The following SNAP91 variants were observed in gnomAD, a reference collection of about 807,000 sequenced individuals.
The protein encoded by SNAP91 is clathrin coat assembly protein AP180.
Under a neutral mutation model 100.3 loss-of-function variants are expected in SNAP91, and 27 were observed. The ratio of observed to expected loss-of-function variants is 0.27; its 90% confidence interval spans 0.20 to 0.37. The LOEUF is 0.37. Ranked by LOEUF, SNAP91 falls within the 10% of genes least tolerant of loss-of-function variation. The probability of loss-of-function intolerance (pLI) is 1.00; values close to 1 mark genes in which losing one functional copy is unlikely to be tolerated. For missense variants in SNAP91, 986 were observed against 1,123.7 expected (o/e 0.88, Z 1.75); for synonymous variants, 404 against 398.6 (o/e 1.01, Z -0.16).
intron 7 of SNAP91, among the ~76,000 whole-genome samples, chr6:83,641,917 T>G (rs1027629381): frequency 5.3e-5 from 8 of 152,164 alleles, no homozygotes; most frequent in Non-Finnish European, 1.0e-4. Context: ...GAACTACAGC[T>G]CCATTACCCT....
intron 24 of SNAP91, among the ~76,000 whole-genome samples, chr6:83,578,782 G>A (rs1823674603): frequency 6.6e-6 from 1 of 151,998 alleles, no homozygotes; most frequent in African/African-American, 2.4e-5. Flanking sequence ...TACTTCTGGT[G>A]TCATATCTAA....
chr6:83,623,177 C>A, intron 9 of SNAP91, 124 bp downstream of exon 9: 2 of 653,574 alleles, frequency 3.1e-6, no homozygotes, highest in East Asian at 2.8e-5. Context: ...AGAATAATTT[C>A]CAAGAAAGTT....
chr6:83,633,024 G>C (rs1021164576), intron 8 of SNAP91, among the ~76,000 whole-genome samples: 2 of 152,212 alleles, frequency 1.3e-5, no homozygotes, highest in African/African-American at 4.8e-5. Flanking sequence ...CTGTCAGACA[G>C]AAAGTCTAGG....
chr6:83,693,133 G>T (rs2099152733), intron 2 of SNAP91, among the ~76,000 whole-genome samples: 1 of 152,158 alleles, frequency 6.6e-6, no homozygotes, highest in Non-Finnish European at 1.5e-5. Context: ...AAATCACTAT[G>T]TAAAAGAAAA....
intron 11 of SNAP91, among the ~76,000 whole-genome samples, chr6:83,612,522 TCAAG>T (rs2096201909): frequency 6.6e-6 from 1 of 152,144 alleles, no homozygotes. Context: ...TGTTTCTCTC[TCAAG>T]CAATTTTCAT....
intron 26 of SNAP91, among the ~76,000 whole-genome samples, chr6:83,561,946 C>T (rs1419269474): frequency 2.6e-5 from 4 of 152,110 alleles, no homozygotes; most frequent in African/African-American, 7.2e-5. Context: ...AGGACAGCCT[C>T]AGTCCAGAGC....
Position 83,706,411 on chromosome 6 carries a change from C to T in SNAP91, c.130+1387G>A, listed in dbSNP as rs1016353076. Among the ~76,000 whole-genome samples the T allele has an allele frequency of 3.3e-5, 5 of 152,190 alleles. No homozygotes were observed. The South Asian group carries it at 8.3e-4, about 25-fold the overall frequency. On this transcript the variant is annotated intron_variant, in intron 2 of 29. Coordinates refer to ENST00000369694, the MANE Select transcript of SNAP91 (RefSeq NM_001242792.2). The stretch of plus-strand genomic sequence containing the variant: ...CTCTTAGGTGCCCTGGCCCTGGTGG[C>T]CTCTTTCATCCTGTACTGCATATAT...
chr6:83,706,990 T>C (rs771375105), intron 2 of SNAP91, among the ~76,000 whole-genome samples: 1 of 152,220 alleles, frequency 6.6e-6, no homozygotes, highest in Non-Finnish European at 1.5e-5. Context: ...CAGAAATATA[T>C]AGATTCCAGA....
At chr6:83,604,582 C>T (rs1298275206) in intron 14 of SNAP91, among the ~76,000 whole-genome samples, 1 of 152,038 alleles carries the variant, frequency 6.6e-6, no homozygotes, top group Non-Finnish European at 1.5e-5. Context: ...AACAAGACCA[C>T]CAAAGGACAT....
chr6:83,690,646 G>A (rs945911059), intron 2 of SNAP91, among the ~76,000 whole-genome samples: 3 of 152,048 alleles, frequency 2.0e-5, no homozygotes, highest in African/African-American at 7.2e-5. Flanking sequence ...TAGCTCACAA[G>A]AGAGAGGTAA....
intron 13 of SNAP91, 139 bp downstream of exon 13, chr6:83,607,560 T>G (rs925793196): frequency 2.0e-6 from 1 of 508,374 alleles, no homozygotes; most frequent in Admixed American, 3.7e-5. Flanking sequence ...AGTAAAACAA[T>G]GTACTTTGTG....
chr6:83,631,271 T>C (rs567054255), intron 8 of SNAP91, among the ~76,000 whole-genome samples: 14 of 152,162 alleles, frequency 9.2e-5, no homozygotes, highest in Non-Finnish European at 1.6e-4. Flanking sequence ...ATATGGTCTA[T>C]CTTGAAGAAA....
At chr6:83,661,432 G>C in intron 5 of SNAP91, 70 bp downstream of exon 5, 1 of 925,876 alleles carries the variant, frequency 1.1e-6, no homozygotes. Flanking sequence ...TTTAAGCTTA[G>C]TTAAAATAAA....
rs1214234008 is a variant in SNAP91 at position 83,619,717 on chromosome 6, T to A, written c.808-2678A>T. Reference sequence around the variant, plus strand: ...TGACATCAAAAACATAAGATTTTTTTCATAAATGAAGATATTTACATTTGG... The same window carrying A: ...TGACATCAAAAACATAAGATTTTTTACATAAATGAAGATATTTACATTTGG... On this transcript the variant is annotated intron_variant, in intron 9 of 29. Coordinates refer to ENST00000369694, the MANE Select transcript of SNAP91 (RefSeq NM_001242792.2). Among the ~76,000 whole-genome samples, 5 of 152,322 alleles carry A rather than the reference T, an allele frequency of 3.3e-5. No homozygotes were observed. The East Asian group carries it at 7.7e-4, about 23-fold the overall frequency.
chr6:83,601,338 A>T lies in SNAP91; in HGVS notation c.1257T>A (p.Thr419=). Reference sequence around the variant, plus strand: ...TAGTAGTGGAGGCAGAAGCTGAGGCAGTTGCAATTTCAGCAGTTGTAGTAG... The same window carrying T: ...TAGTAGTGGAGGCAGAAGCTGAGGCTGTTGCAATTTCAGCAGTTGTAGTAG... ...TPPTTTAEIA[T]ASASASTTTT... is the part of the protein sequence containing the mutation. Residue 419 remains threonine (T), a synonymous_variant, in exon 16 of 30, where the codon ACT becomes ACA. Coordinates refer to ENST00000369694, the MANE Select transcript of SNAP91 (RefSeq NM_001242792.2). The T allele has an allele frequency of 6.2e-7, 1 of 1,613,688 alleles. No homozygotes were observed. The highest frequency in any genetic ancestry group is 8.5e-7 in the Non-Finnish European group (1 of 1,179,792).
At chr6:83,641,882 T>G (rs778734170) in intron 7 of SNAP91, among the ~76,000 whole-genome samples, 9 of 152,198 alleles carry the variant, frequency 5.9e-5, no homozygotes, top group Non-Finnish European at 1.3e-4. Context: ...TTTCACACTC[T>G]CAAGACTAGA....
At position 83,613,999 on chromosome 6, in the gene SNAP91, A is replaced by T. The variant is rs2096317034; in HGVS notation, c.884+858T>A. Among the ~76,000 whole-genome samples, 4 of 152,188 alleles carry T rather than the reference A, an allele frequency of 2.6e-5. No individual in the cohort carries two copies. In the South Asian group the frequency reaches 6.2e-4, roughly 24 times the overall value. On this transcript the variant is annotated intron_variant, in intron 11 of 29. Transcript: ENST00000369694. ...AATTCTGTAAAATTACTACAAACTCATGGGTTTCACTATGAACACAGCAAA... is the reference window on the plus strand; with the variant it reads ...AATTCTGTAAAATTACTACAAACTCTTGGGTTTCACTATGAACACAGCAAA...
Position 83,594,385 on chromosome 6 carries a change from C to T in SNAP91, c.1421G>A (p.Cys474Tyr), listed in dbSNP as rs1193178797. ...PTPVAAALDA[C>Y]SGNDPFAPSE... ...GACTTTAAACCCACCATTTCCTGAACATGCATCAAGTGCTGCTGCTACAGG... is the reference window on the plus strand; with the variant it reads ...GACTTTAAACCCACCATTTCCTGAATATGCATCAAGTGCTGCTGCTACAGG... The change falls in exon 17 of 30, where the codon TGT becomes TAT. Residue 474 changes from cysteine (C) to tyrosine (Y), a missense_variant. This residue lies in a region of SNAP91 where 575 missense variants were observed against 579.9 expected (regional missense o/e 0.99). Transcript: ENST00000369694. The T allele has an allele frequency of 6.4e-7, 1 of 1,552,824 alleles. No individual in the cohort carries two copies. The highest frequency in any genetic ancestry group is 8.7e-7 in the Non-Finnish European group (1 of 1,147,460).
intron 24 of SNAP91, 79 bp downstream of exon 24, chr6:83,580,371 G>C (rs1826268202): frequency 1.8e-5 from 22 of 1,205,822 alleles, no homozygotes; most frequent in Non-Finnish European, 2.5e-5. Flanking sequence ...TATGAGATGA[G>C]AGAGAGAGAG....
Sources: gnomAD v4.1 joint callset for allele counts (sites outside exome capture counted in the v4.1 genomes callset) on GRCh38, gnomAD v4.1.1 for gene constraint, gnomAD v4.1.1 regional missense constraint, MANE v1.5 for transcripts, NCBI Gene and HGNC (gene_info 2026-07-23, HGNC 2026-07-21) for gene names.